The following SLC13A3 variants were observed in gnomAD, a reference collection of about 807,000 sequenced individuals.
The protein encoded by SLC13A3 is Na(+)/dicarboxylate cotransporter 3.
In SLC13A3, 40 loss-of-function variants were observed where a neutral mutation model predicts 59.0. The observed-to-expected ratio is 0.68, with a 90% CI of 0.53 to 0.88. SLC13A3 has a LOEUF of 0.88. SLC13A3 is among the 40% of genes least tolerant of loss of function. The pLI, the probability that SLC13A3 is intolerant of heterozygous loss-of-function variation, is 0.00. For synonymous variants in SLC13A3, 317 were observed against 330.3 expected, an observed-to-expected ratio of 0.96 and a Z score of 0.44; for missense variants, 699 against 783.2, an observed-to-expected ratio of 0.89 and a Z score of 1.28.
upstream of SLC13A3, among the ~76,000 whole-genome samples, chr20:46,671,077 A>G (rs1196925497): frequency 2.0e-5 from 3 of 152,198 alleles, no homozygotes; most frequent in Admixed American, 2.0e-4. Flanking sequence ...GTGCCCCTTT[A>G]GGAACAAAAA....
chr20:46,607,888 G>T (rs2062451646), intron 3 of SLC13A3, among the ~76,000 whole-genome samples: 1 of 152,142 alleles, frequency 6.6e-6, no homozygotes, highest in Non-Finnish European at 1.5e-5. Context: ...AAATGAGGTC[G>T]ATGCTTGCTC....
chr20:46,643,388 G>A (rs951845212), intron 1 of SLC13A3, among the ~76,000 whole-genome samples: 3 of 152,160 alleles, frequency 2.0e-5, no homozygotes, highest in East Asian at 1.9e-4. Flanking sequence ...AGATCTGAAC[G>A]GAGATCAATG....
At chr20:46,615,356 T>C (rs2062544807) in intron 1 of SLC13A3, among the ~76,000 whole-genome samples, 2 of 152,088 alleles carry the variant, frequency 1.3e-5, no homozygotes, top group African/African-American at 4.8e-5. Flanking sequence ...TCATAGAACA[T>C]ATCCTCAGCG....
At chr20:46,582,524 G>C in intron 9 of SLC13A3, 1 of 533,070 alleles carries the variant, frequency 1.9e-6, no homozygotes, top group Non-Finnish European at 2.4e-6. Context: ...GTTCACTGGA[G>C]CCCAAGAGTT....
intron 1 of SLC13A3, among the ~76,000 whole-genome samples, chr20:46,642,637 C>T (rs1256949257): frequency 6.6e-6 from 1 of 152,188 alleles, no homozygotes; most frequent in East Asian, 1.9e-4. Flanking sequence ...ACCCTTCCTT[C>T]CTCTCTTCAT....
chr20:46,674,792 C>T (rs1020161302), upstream of SLC13A3, among the ~76,000 whole-genome samples: 2 of 152,068 alleles, frequency 1.3e-5, no homozygotes, highest in African/African-American at 4.8e-5. Flanking sequence ...GAAATTAGGG[C>T]TAGAGCAGTG....
At chr20:46,640,699 C>T (rs2062839216) in intron 1 of SLC13A3, among the ~76,000 whole-genome samples, 1 of 152,142 alleles carries the variant, frequency 6.6e-6, no homozygotes, top group Non-Finnish European at 1.5e-5. Context: ...GTGGCTCTTC[C>T]CAAGTCCCCA....
chr20:46,680,761 G>A (rs978124364), intron 1 of SLC13A3, among the ~76,000 whole-genome samples: 1 of 152,138 alleles, frequency 6.6e-6, no homozygotes, highest in Non-Finnish European at 1.5e-5. Flanking sequence ...TGTGTACTCT[G>A]CCCTCTCCTG....
chr20:46,583,041 G>A, intron 9 of SLC13A3: 1 of 986,126 alleles, frequency 1.0e-6, no homozygotes, highest in Non-Finnish European at 1.2e-6. Flanking sequence ...GTGGCTCCCT[G>A]GGCAACCAAG....
At chr20:46,583,057 A>C (rs1287849452) in intron 9 of SLC13A3, 1 of 985,762 alleles carries the variant, frequency 1.0e-6, no homozygotes, top group South Asian at 4.7e-5. Context: ...CCAAGGTGCA[A>C]CTCCTGCTTT....
intron 10 of SLC13A3, among the ~76,000 whole-genome samples, 184 bp downstream of exon 10, chr20:46,575,389 T>C (rs925640563): frequency 6.6e-6 from 1 of 152,196 alleles, no homozygotes; most frequent in African/African-American, 2.4e-5. Flanking sequence ...AACTCATTCC[T>C]CTCTTTCTCT....
At chr20:46,625,943 T>C (rs1031321981) in intron 1 of SLC13A3, among the ~76,000 whole-genome samples, 1 of 152,208 alleles carries the variant, frequency 6.6e-6, no homozygotes, top group Non-Finnish European at 1.5e-5. Flanking sequence ...AGTTTGGGGC[T>C]ACTATGGAAA....
intron 8 of SLC13A3, among the ~76,000 whole-genome samples, chr20:46,586,296 T>C (rs559562474): frequency 3.3e-5 from 5 of 152,300 alleles, no homozygotes; most frequent in African/African-American, 1.2e-4. Context: ...CTCACGCTTC[T>C]TAAAACACTC....
intron 12 of SLC13A3, 138 bp from the exon 13 acceptor site, chr20:46,560,336 G>T (rs2146068511): frequency 1.4e-6 from 1 of 723,398 alleles, no homozygotes; most frequent in South Asian, 1.8e-5. Flanking sequence ...ACAGACCCAG[G>T]TCGGTAAATG....
intron 3 of SLC13A3, among the ~76,000 whole-genome samples, chr20:46,608,092 A>C (rs1322793684): frequency 6.6e-6 from 1 of 152,152 alleles, no homozygotes; most frequent in Non-Finnish European, 1.5e-5. Flanking sequence ...AGTTCTCTTA[A>C]GGGAAACAGT....
chr20:46,631,162 C>T (rs934949878), intron 1 of SLC13A3, among the ~76,000 whole-genome samples: 2 of 152,154 alleles, frequency 1.3e-5, no homozygotes, highest in African/African-American at 4.8e-5. Context: ...CCCCAGGGGA[C>T]ACGTTTTAGT....
At chr20:46,621,506 A>G (rs1194373580) in intron 1 of SLC13A3, among the ~76,000 whole-genome samples, 4 of 152,236 alleles carry the variant, frequency 2.6e-5, no homozygotes, top group Admixed American at 6.5e-5. Context: ...GCTTATGTTG[A>G]GAAACAAAGT....
intron 11 of SLC13A3, among the ~76,000 whole-genome samples, chr20:46,563,936 A>G (rs1039463615): frequency 6.6e-6 from 1 of 152,160 alleles, no homozygotes; most frequent in African/African-American, 2.4e-5. Context: ...CCAATGTGAG[A>G]GTGCAGAAAA....
intron 1 of SLC13A3, among the ~76,000 whole-genome samples, chr20:46,660,917 T>C (rs893867070): frequency 1.3e-4 from 20 of 152,232 alleles, no homozygotes; most frequent in African/African-American, 4.3e-4. Context: ...CAGTCTCTTA[T>C]AGATCTAAGT....
Sources: allele counts gnomAD v4.1 joint callset (sites outside exome capture counted in the v4.1 genomes callset), GRCh38; gene constraint gnomAD v4.1.1; transcripts MANE v1.5; gene names NCBI Gene and HGNC (gene_info 2026-07-23, HGNC 2026-07-21).